The following WDR17 variants were observed in gnomAD, a reference collection of about 807,000 sequenced individuals.
WDR17 encodes the protein WD repeat domain 17, also known as WD repeat-containing protein 17.
Under a neutral mutation model 161.7 loss-of-function variants are expected in WDR17, and 143 were observed. That is an observed-to-expected ratio of 0.88 (90% CI 0.77 to 1.02). The LOEUF is 1.02. Among genes scored for constraint, WDR17 ranks in the 50% least tolerant of loss-of-function variants. The pLI, the probability that WDR17 is intolerant of heterozygous loss-of-function variation, is 0.00. For missense variants in WDR17, 1,469 were observed against 1,520.9 expected (o/e 0.97, Z 0.57); for synonymous variants, 517 against 515.6 (o/e 1.00, Z -0.04).
chr4:176,141,847 A>T (rs1579169436), intron 10 of WDR17, 136 bp from the exon 11 acceptor site: 2 of 669,222 alleles, frequency 3.0e-6, no homozygotes, highest in Admixed American at 6.1e-5. Context: ...CAGTACTTTC[A>T]AATGTTCTTT....
chr4:176,090,675 A>C (rs992552703), intron 1 of WDR17, among the ~76,000 whole-genome samples: 1 of 152,146 alleles, frequency 6.6e-6, no homozygotes, highest in African/African-American at 2.4e-5. Context: ...GGGAGACCCT[A>C]GTGGTGCTAG....
chr4:176,144,813 A>G (rs1745901852), intron 11 of WDR17, among the ~76,000 whole-genome samples: 1 of 152,124 alleles, frequency 6.6e-6, no homozygotes, highest in Admixed American at 6.6e-5. Context: ...TGTATAATTT[A>G]GATATCTTTA....
chr4:176,135,414 T>G, intron 8 of WDR17, 138 bp downstream of exon 8: 1 of 1,005,348 alleles, frequency 9.9e-7, no homozygotes, highest in East Asian at 2.5e-5. Context: ...ACATATTTGT[T>G]GATTCTCTTT....
At chr4:176,176,653 A>C (rs115167731) in intron 26 of WDR17, among the ~76,000 whole-genome samples, 9 of 152,186 alleles carry the variant, frequency 5.9e-5, no homozygotes, top group African/African-American at 2.2e-4. Context: ...AATTCAAATC[A>C]TCTTTCTTCT....
chr4:176,119,810 T>G, intron 3 of WDR17, 57 bp from the exon 4 acceptor site: 3 of 1,428,992 alleles, frequency 2.1e-6, no homozygotes, highest in African/African-American at 2.8e-5. Flanking sequence ...AAGTAATATT[T>G]AATGGTGTAA....
At chr4:176,173,147 T>C in intron 24 of WDR17, 120 bp from the exon 25 acceptor site, 1 of 589,204 alleles carries the variant, frequency 1.7e-6, no homozygotes, top group Non-Finnish European at 2.9e-6. Flanking sequence ...ACTTGTGATC[T>C]AGAAAATAAA....
chr4:176,066,359 C>T (rs1182578894), intron 1 of WDR17, among the ~76,000 whole-genome samples: 1 of 152,174 alleles, frequency 6.6e-6, no homozygotes, highest in African/African-American at 2.4e-5. Flanking sequence ...TTTCGAGGGA[C>T]ATTGTTTTAT....
chr4:176,111,578 A>G lies in WDR17; in HGVS notation c.-3A>G, dbSNP rs200660566. On this transcript the variant is annotated 5_prime_UTR_variant, in exon 2 of 29. Transcript: ENST00000508596. ...TTCTTCAAATTTGTTTTTCAAGGCA[A>G]ACATGTCCCAGGTAAGGCAAGTGGG... The G allele has an allele frequency of 8.1e-6, 13 of 1,598,512 alleles. No individual in the cohort carries two copies. Among genetic ancestry groups the G allele is most frequent in the African/African-American group, 1.4e-5 (1 of 74,050 alleles).
chr4:176,152,030 C>G, intron 17 of WDR17, 63 bp downstream of exon 17: 2 of 1,498,434 alleles, frequency 1.3e-6, no homozygotes, highest in Non-Finnish European at 1.8e-6. Flanking sequence ...TAAGAATATA[C>G]TCAATTTTAA....
intron 28 of WDR17, 110 bp downstream of exon 28, chr4:176,177,764 G>A: frequency 9.1e-7 from 1 of 1,100,262 alleles, no homozygotes; most frequent in Non-Finnish European, 1.3e-6. Context: ...ATTTAGGACT[G>A]GGGTCCAGTA....
chr4:176,093,882 CT>C (rs1276734660), intron 1 of WDR17, among the ~76,000 whole-genome samples: 27 of 152,160 alleles, frequency 1.8e-4, no homozygotes, highest in Non-Finnish European at 5.9e-5. Context: ...AACATTTAAT[CT>C]GAGATTACAT....
At chr4:176,095,243 A>G (rs149012388) in intron 1 of WDR17, among the ~76,000 whole-genome samples, 293 of 152,310 alleles carry the variant, frequency 1.9e-3, no homozygotes, top group Admixed American at 4.6e-3. Flanking sequence ...CTGAGCAGAT[A>G]GGCAGGAACA....
At chr4:176,143,284 A>G (rs1745591996) in intron 11 of WDR17, among the ~76,000 whole-genome samples, 1 of 152,226 alleles carries the variant, frequency 6.6e-6, no homozygotes, top group African/African-American at 2.4e-5. Context: ...TGCTAAAGCC[A>G]GAATCCTTAG....
chr4:176,179,627 T>C lies in WDR17; in HGVS notation c.*48T>C. 1 of 1,505,556 alleles carries C rather than the reference T, an allele frequency of 6.6e-7. No individual in the cohort carries two copies. Among genetic ancestry groups the C allele is most frequent in the Non-Finnish European group, 8.9e-7 (1 of 1,125,428 alleles). The allele number at this position is 1,505,556 out of a possible 1,614,324, so 93.3% of individuals were successfully genotyped here. On this transcript the variant is annotated 3_prime_UTR_variant, in exon 29 of 29. Coordinates refer to ENST00000508596, the MANE Select transcript of WDR17 (RefSeq NM_181265.4). ...GATTTTTTTTTTTAAAGAAAAACTT[T>C]CATGGGTTAGCATTACCTTAATCTT...
chr4:176,071,868 G>A (rs1243001399), intron 1 of WDR17, among the ~76,000 whole-genome samples: 1 of 152,146 alleles, frequency 6.6e-6, no homozygotes, highest in South Asian at 2.1e-4. Context: ...AGATAATAAA[G>A]GTAACTCCAT....
At position 176,150,521 on chromosome 4, in the gene WDR17, G is replaced by C; in HGVS notation, c.2232G>C (p.Gln744His). 1 of 1,612,274 alleles carries C rather than the reference G, an allele frequency of 6.2e-7. No homozygotes were observed. The highest frequency in any genetic ancestry group is 8.5e-7 in the Non-Finnish European group (1 of 1,179,316). Residue 744 changes from glutamine to histidine, a missense_variant, in exon 16 of 29, where the codon CAG becomes CAC. By Grantham distance (24) the Gln-to-His change is conservative. Coordinates refer to ENST00000508596, the MANE Select transcript of WDR17 (RefSeq NM_181265.4). ...LWNLVAVIKG[Q>H]DDSLLPQNYC... ...ACTTGGTTGCTGTGATAAAAGGACA[G>C]GATGATAGCTTACTTCCTCAGAACT...
rs368394830 is a variant in WDR17, at chr4:176,096,650, GT to G, written c.-6-14921del. The G allele has an allele frequency of 5.1e-4, 664 of 1,299,060 alleles. 6 individuals carry two copies. In the East Asian group the frequency reaches 8.6e-3, roughly 17 times the overall value. 80.5% of individuals were successfully genotyped at this position (1,299,060 alleles called of 1,614,324 possible). A position where few individuals can be genotyped will look rare whatever the true frequency, so the allele number is the denominator to read the frequency against. Reference sequence around the variant, plus strand: ...TTTTTTCTGCTTTGCTTCTCATATAGTTTTATATCTGTGTCATTTATATCGT... The same window carrying G: ...TTTTTTCTGCTTTGCTTCTCATATAGTTTATATCTGTGTCATTTATATCGT... On this transcript the variant is annotated intron_variant, in intron 1 of 28. Transcript: ENST00000508596.
intron 11 of WDR17, among the ~76,000 whole-genome samples, chr4:176,144,347 T>G (rs1579177703): frequency 6.6e-6 from 1 of 152,334 alleles, no homozygotes; most frequent in East Asian, 1.9e-4. Flanking sequence ...ATGTAAGCCC[T>G]ATGAGATCGC....
intron 6 of WDR17, among the ~76,000 whole-genome samples, chr4:176,130,589 A>G (rs890587161): frequency 6.5e-4 from 47 of 71,910 alleles, no homozygotes; most frequent in African/African-American, 1.7e-3. Flanking sequence ...CTAAAAATAC[A>G]AAAAAATTAG....
Sources: gnomAD v4.1 joint callset for allele counts (sites outside exome capture counted in the v4.1 genomes callset) on GRCh38, gnomAD v4.1.1 for gene constraint, MANE v1.5 for transcripts, NCBI Gene and HGNC (gene_info 2026-07-23, HGNC 2026-07-21) for gene names.